Variants in EML1 observed in about 807,000 individuals in gnomAD.
The protein encoded by EML1 is echinoderm microtubule-associated protein-like 1.
EML1 carries 27 observed loss-of-function variants against 110.4 expected under a neutral mutation model. The observed-to-expected ratio is 0.24, with a 90% confidence interval of 0.18 to 0.34. EML1 has a LOEUF of 0.34. Ranked by LOEUF, EML1 falls within the 10% of genes least tolerant of loss-of-function variation. The probability of loss-of-function intolerance (pLI) is 1.00; values close to 1 mark genes in which losing one functional copy is unlikely to be tolerated. For synonymous variants in EML1, 344 were observed against 385.8 expected (o/e 0.89, Z 1.27); for missense variants, 741 against 1,030.9 (o/e 0.72, Z 3.85).
intron 16 of EML1, among the ~76,000 whole-genome samples, chr14:99,920,525 A>G (rs1012775740): frequency 2.0e-5 from 3 of 152,240 alleles, no homozygotes; most frequent in African/African-American, 7.2e-5. Flanking sequence ...TGTAAATGAC[A>G]AAGCACAAAC....
chr14:99,837,229 G>T (rs1388868149), intron 1 of EML1, among the ~76,000 whole-genome samples: 1 of 152,068 alleles, frequency 6.6e-6, no homozygotes, highest in East Asian at 1.9e-4. Flanking sequence ...GGAGACTCAG[G>T]CTTTACCTGG....
At chr14:99,884,093 C>A (rs1183210801) in intron 4 of EML1, among the ~76,000 whole-genome samples, 1 of 152,240 alleles carries the variant, frequency 6.6e-6, no homozygotes, top group Non-Finnish European at 1.5e-5. Flanking sequence ...GTACCTGCCT[C>A]ACAGGGTGCC....
chr14:99,741,028 A>G (rs560266415), intron 1 of EML1, among the ~76,000 whole-genome samples: 1 of 152,352 alleles, frequency 6.6e-6, no homozygotes, highest in Admixed American at 6.5e-5. Flanking sequence ...TAAGCACCGA[A>G]GAGCAGGCTG....
chr14:99,872,772 A>G (rs1377683358), intron 3 of EML1, among the ~76,000 whole-genome samples: 1 of 152,220 alleles, frequency 6.6e-6, no homozygotes, highest in Non-Finnish European at 1.5e-5. Flanking sequence ...GAATATTAGG[A>G]TTAAAATAAC....
At chr14:99,812,875 A>C (rs1482227291) in intron 1 of EML1, among the ~76,000 whole-genome samples, 1 of 152,170 alleles carries the variant, frequency 6.6e-6, no homozygotes, top group Non-Finnish European at 1.5e-5. Context: ...AAACAGATAA[A>C]GTGTTTCTAA....
In EML1 at chr14:99,838,930, T is replaced by TGTGTGTGTGTGTGTGTGTGTGTGTGTGC. The variant is rs35886892; in HGVS notation, c.68-11922_68-11921insTGTGTGTGTGTGTGTGTGTGTGTGTGCG. 6 of 148,572 alleles carry TGTGTGTGTGTGTGTGTGTGTGTGTGTGC rather than the reference T, an allele frequency of 4.0e-5. 1 individual carries two copies. Among genetic ancestry groups the TGTGTGTGTGTGTGTGTGTGTGTGTGTGC allele is most frequent in the East Asian group, 2.0e-4 (1 of 4,948 alleles). The allele number at this position is 148,572 out of a possible 1,614,324, so 9.2% of individuals were successfully genotyped here. Reference sequence around the variant, plus strand: ...GTGCGCGCGCGCGCGTGTGTGTGTGTGCGCGCGCGCGTGCATGTTTGTAGT... The same window carrying TGTGTGTGTGTGTGTGTGTGTGTGTGTGC: ...GTGCGCGCGCGCGCGTGTGTGTGTGTGTGTGTGTGTGTGTGTGTGTGTGTGTGCGCGCGCGCGCGTGCATGTTTGTAGT... On this transcript the variant is annotated intron_variant, in intron 1 of 21. Transcript: ENST00000262233.
chr14:99,783,605 C>T (rs1415899864), intron 1 of EML1, among the ~76,000 whole-genome samples: 1 of 151,884 alleles, frequency 6.6e-6, no homozygotes, highest in African/African-American at 2.4e-5. Flanking sequence ...CTGCCTCAGC[C>T]TCCTGAGTAG....
Position 99,939,927 on chromosome 14 carries a change from C to T in EML1, c.2323-60C>T. 6.8e-7 allele frequency: 1 copy of T among 1,464,558 alleles called. No individual in the cohort carries two copies. The highest frequency in any genetic ancestry group is 9.1e-7 in the Non-Finnish European group (1 of 1,103,740). 90.7% of individuals were successfully genotyped at this position (1,464,558 alleles called of 1,614,324 possible). On this transcript the variant is annotated intron_variant, in intron 21 of 21. Transcript: ENST00000262233. The surrounding 1 kb of genome is among the most constrained non-coding windows in gnomAD (Gnocchi z 4.2). Reference sequence around the variant, plus strand: ...CATGCAGTGAGAATTCAAGCACTTTCCCATCCCAGATGGTTCGCCTTGTAG... The same window carrying T: ...CATGCAGTGAGAATTCAAGCACTTTTCCATCCCAGATGGTTCGCCTTGTAG...
Position 99,939,971 on chromosome 14 carries a change from G to C in EML1, c.2323-16G>C, listed in dbSNP as rs371808320. ...CTTGTAGTAAAGGAAGCTTTCCCCCGTATCATTCCCTCCAGGCTCCAAGCC... is the reference window on the plus strand; with the variant it reads ...CTTGTAGTAAAGGAAGCTTTCCCCCCTATCATTCCCTCCAGGCTCCAAGCC... On this transcript the variant is annotated splice_polypyrimidine_tract_variant and intron_variant, in intron 21 of 21. Transcript: ENST00000262233. The surrounding 1 kb of genome is among the most constrained non-coding windows in gnomAD (Gnocchi z 4.2). 2 of 1,545,284 alleles carry C rather than the reference G, an allele frequency of 1.3e-6. No individual in the cohort carries two copies. The highest frequency in any genetic ancestry group is 1.7e-6 in the Non-Finnish European group (2 of 1,144,992).
intron 1 of EML1, among the ~76,000 whole-genome samples, chr14:99,801,742 G>A (rs1013966907): frequency 6.6e-6 from 1 of 152,004 alleles, no homozygotes; most frequent in South Asian, 2.1e-4. Context: ...TCCCTGGCTC[G>A]GGCCCTCATC....
At chr14:99,850,131 G>A in intron 1 of EML1, 2 of 395,872 alleles carry the variant, frequency 5.1e-6, no homozygotes, top group African/African-American at 2.1e-5. Flanking sequence ...TAGAGGCAGA[G>A]TTTTGTCATG....
At chr14:99,920,227 G>A (rs1214559577) in intron 16 of EML1, among the ~76,000 whole-genome samples, 1 of 152,166 alleles carries the variant, frequency 6.6e-6, no homozygotes, top group African/African-American at 2.4e-5. Flanking sequence ...GGTGAAATTA[G>A]AAGACCAGTC....
intron 1 of EML1, among the ~76,000 whole-genome samples, chr14:99,767,837 T>C (rs1367291471): frequency 1.3e-5 from 2 of 152,150 alleles, no homozygotes. Flanking sequence ...CATACACATC[T>C]GTCACCTTCA....
intron 1 of EML1, among the ~76,000 whole-genome samples, chr14:99,749,176 G>A (rs1312921585): frequency 6.6e-6 from 1 of 152,186 alleles, no homozygotes; most frequent in Non-Finnish European, 1.5e-5. Flanking sequence ...GGTGCACACC[G>A]GGAAGCGGGA....
intron 1 of EML1, among the ~76,000 whole-genome samples, chr14:99,811,350 G>A (rs1469800104): frequency 6.8e-6 from 1 of 147,702 alleles, no homozygotes; most frequent in Non-Finnish European, 1.5e-5. Flanking sequence ...CTTGTGTTGA[G>A]TGTAACATTT....
intron 2 of EML1, among the ~76,000 whole-genome samples, chr14:99,855,864 G>A (rs1440266612): frequency 6.6e-6 from 1 of 152,166 alleles, no homozygotes; most frequent in African/African-American, 2.4e-5. Context: ...AGTCAGTCCT[G>A]TCATTCCAAG....
chr14:99,889,046 A>AGGAG (rs1486039445), intron 4 of EML1, among the ~76,000 whole-genome samples: 2 of 152,214 alleles, frequency 1.3e-5, no homozygotes, highest in Non-Finnish European at 2.9e-5. Flanking sequence ...GAGGCATGCC[A>AGGAG]GGAGGAAAGC....
chr14:99,808,973 C>G (rs935625160), intron 1 of EML1, among the ~76,000 whole-genome samples: 3 of 152,100 alleles, frequency 2.0e-5, no homozygotes, highest in African/African-American at 7.2e-5. Context: ...GTAACTTAGC[C>G]AAGGCCAAAT....
Position 99,897,196 on chromosome 14 carries a change from G to A in EML1, c.729G>A (p.Thr243=), listed in dbSNP as rs939200582. The part of the protein sequence containing the change: ...DCRNNLYLLP[T]GETVYFIASV... ...GTAACAACCTGTACTTGCTTCCGAC[G>A]GGAGAGACCGTCTACTTCATCGCAT... The change falls in exon 7 of 22, where the codon ACG becomes ACA. Residue 243 remains threonine, a synonymous_variant. Transcript: ENST00000262233. 1 of 1,612,960 alleles carries A rather than the reference G, an allele frequency of 6.2e-7. No homozygotes were observed. Among genetic ancestry groups the A allele is most frequent in the Non-Finnish European group, 8.5e-7 (1 of 1,179,504 alleles).
Sources: gnomAD v4.1 joint callset for allele counts (sites outside exome capture counted in the v4.1 genomes callset) on GRCh38, gnomAD v4.1.1 for gene constraint, Gnocchi (gnomAD v3.1) non-coding constraint, MANE v1.5 for transcripts, NCBI Gene and HGNC (gene_info 2026-07-23, HGNC 2026-07-21) for gene names.